PCDHA8: variants seen among roughly 807,000 people sequenced by gnomAD.
PCDHA8 encodes protocadherin alpha 8, also known as protocadherin alpha-8.
Under a neutral mutation model 61.8 loss-of-function variants are expected in PCDHA8, and 53 were observed. The ratio of observed to expected loss-of-function variants is 0.86; its 90% CI spans 0.69 to 1.08. The LOEUF (loss-of-function observed/expected upper bound fraction) is 1.08, where lower values mean the gene tolerates loss of function less well. Ranked by LOEUF, PCDHA8 falls within the 50% of genes least tolerant of loss-of-function variation. The pLI, the probability that PCDHA8 is intolerant of heterozygous loss-of-function variation, is 0.00. For missense variants in PCDHA8, 1,293 were observed against 1,245.0 expected, an observed-to-expected ratio of 1.04 and a Z score of -0.58; for synonymous variants, 618 against 556.6, an observed-to-expected ratio of 1.11 and a Z score of -1.55.
chr5:140,870,257 C>T (rs1554163963), intron 1 of PCDHA8: 1 of 1,614,172 alleles, frequency 6.2e-7, no homozygotes, highest in Non-Finnish European at 8.5e-7. Context: ...GGACAGGTGA[C>T]CTGCTCGCTG....
At chr5:140,875,336 G>C in intron 1 of PCDHA8, 1 of 1,438,564 alleles carries the variant, frequency 7.0e-7, no homozygotes, top group Non-Finnish European at 9.1e-7. Flanking sequence ...GAATAGGATC[G>C]ACTCCATAAT....
At position 140,850,250 on chromosome 5, in the gene PCDHA8, G is replaced by C; in HGVS notation, c.2394+6535G>C. Reference sequence around the variant, plus strand: ...TGAGCGAGATGGTGCTGCGGTCGGTGGGCGCCGGCGTAGTGGTGGGGAAGG... The same window carrying C: ...TGAGCGAGATGGTGCTGCGGTCGGTCGGCGCCGGCGTAGTGGTGGGGAAGG... On this transcript the variant is annotated intron_variant, in intron 1 of 3. Transcript: ENST00000531613. The C allele has an allele frequency of 1.9e-6, 3 of 1,594,024 alleles. 1 individual carries two copies. Among genetic ancestry groups the C allele is most frequent in the Non-Finnish European group, 2.6e-6 (3 of 1,167,182 alleles).
chr5:140,918,111 C>T (rs1035723043), intron 1 of PCDHA8, among the ~76,000 whole-genome samples: 1 of 152,016 alleles, frequency 6.6e-6, no homozygotes, highest in Non-Finnish European at 1.5e-5. Flanking sequence ...CTTTCACATC[C>T]TTGATTAGCC....
At chr5:140,966,741 G>A in intron 1 of PCDHA8, 1 of 1,421,320 alleles carries the variant, frequency 7.0e-7, no homozygotes, top group Non-Finnish European at 9.1e-7. Context: ...GGCCCTGCCC[G>A]GCTGCCTCCG....
At chr5:140,906,829 C>T (rs2072974984) in intron 1 of PCDHA8, among the ~76,000 whole-genome samples, 1 of 152,244 alleles carries the variant, frequency 6.6e-6, no homozygotes, top group Non-Finnish European at 1.5e-5. Context: ...GAGTAGTAGA[C>T]TGATTTCATC....
chr5:140,926,537 T>G, intron 1 of PCDHA8: 10 of 211,562 alleles, frequency 4.7e-5, no homozygotes, highest in Non-Finnish European at 7.4e-5. Flanking sequence ...GCAGCCAGCG[T>G]GGTGGTCGAG....
chr5:140,928,573 A>G (rs1353807568), intron 1 of PCDHA8: 2 of 1,614,110 alleles, frequency 1.2e-6, no homozygotes, highest in African/African-American at 1.3e-5. Context: ...TCCCTTGCCC[A>G]GAAATGGTTC....
chr5:140,875,655 G>C, intron 1 of PCDHA8: 1 of 1,613,724 alleles, frequency 6.2e-7, no homozygotes, highest in Middle Eastern at 1.7e-4. Context: ...AGCTGGTGCC[G>C]CGCCTGTTCC....
intron 1 of PCDHA8, chr5:140,875,266 A>G (rs1262893019): frequency 8.3e-7 from 1 of 1,202,212 alleles, no homozygotes. Flanking sequence ...ATGTCGCTCT[A>G]CACTCAGAAG....
chr5:141,001,229 A>G (rs1055246744), intron 3 of PCDHA8, among the ~76,000 whole-genome samples: 41 of 152,314 alleles, frequency 2.7e-4, no homozygotes, highest in African/African-American at 9.1e-4. Flanking sequence ...AGTTACATTT[A>G]ATCTATAAAT....
chr5:140,870,566 T>C (rs1554164425), intron 1 of PCDHA8: 7 of 1,613,980 alleles, frequency 4.3e-6, no homozygotes, highest in Admixed American at 3.3e-5. Flanking sequence ...GAGAACGCGC[T>C]GGTGTCCTAC....
At position 140,842,647 on chromosome 5, in the gene PCDHA8, T is replaced by C. The variant is rs1778166241; in HGVS notation, c.1326T>C (p.Ser442=). ...SPSLWATASL[S]VEVADVNDNA... ...CGCTGTGGGCCACCGCCAGCTTGTC[T>C]GTGGAGGTGGCCGACGTGAACGACA... Residue 442 remains serine, a synonymous_variant, in exon 1 of 4, where the codon TCT becomes TCC. Coordinates refer to ENST00000531613, the MANE Select transcript of PCDHA8 (RefSeq NM_018911.3). 1 of 1,595,148 alleles carries C rather than the reference T, an allele frequency of 6.3e-7. No individual in the cohort carries two copies. The highest frequency in any genetic ancestry group is 1.3e-5 in the African/African-American group (1 of 74,130).
At chr5:140,877,798 CT>C (rs782663782) in intron 1 of PCDHA8, 1 of 1,613,568 alleles carries the variant, frequency 6.2e-7, no homozygotes, top group Non-Finnish European at 8.5e-7. Context: ...CAGCCCAAGC[CT>C]TCAGCTGTCT....
chr5:140,865,392 A>G (rs1554159412), intron 1 of PCDHA8: 1 of 152,244 alleles, frequency 6.6e-6, no homozygotes, highest in Non-Finnish European at 1.5e-5. Context: ...TAAAGTTAAT[A>G]TAAATGCTGA....
intron 1 of PCDHA8, chr5:140,967,284 A>C: frequency 6.2e-7 from 1 of 1,613,190 alleles, no homozygotes. Context: ...GAGAGTGCGC[A>C]GGACCCCGAC....
chr5:140,885,819 A>G (rs1488283542), intron 1 of PCDHA8, among the ~76,000 whole-genome samples: 1 of 152,032 alleles, frequency 6.6e-6, no homozygotes, highest in Non-Finnish European at 1.5e-5. Flanking sequence ...TTTGTATTTG[A>G]TCTTCTTTGA....
At chr5:140,967,188 TCAACGA>T in intron 1 of PCDHA8, 1 of 1,613,420 alleles carries the variant, frequency 6.2e-7, no homozygotes, top group Non-Finnish European at 8.5e-7. Flanking sequence ...ATATTGGACA[TCAACGA>T]CAACTCACCG....
rs782072957 is a variant in PCDHA8, at chr5:140,870,352, G to T, written c.2394+26637G>T. On this transcript the variant is annotated intron_variant, in intron 1 of 3. Coordinates refer to ENST00000531613, the MANE Select transcript of PCDHA8 (RefSeq NM_018911.3). ...GGACAGCGCCCTGGACCGCGAGAAC[G>T]TGTGGGCCTATGAACTGGTGGTGAC... 9.9e-6 allele frequency: 16 copies of T among 1,614,226 alleles called. No individual in the cohort carries two copies. The South Asian group carries it at 1.3e-4, about 13-fold the overall frequency.
At chr5:140,943,613 C>G (rs1490811039) in intron 1 of PCDHA8, among the ~76,000 whole-genome samples, 1 of 152,026 alleles carries the variant, frequency 6.6e-6, no homozygotes, top group African/African-American at 2.4e-5. Context: ...GACTTTGATT[C>G]ATCTGCATAA....
Sources: gnomAD v4.1 joint callset for allele counts (sites outside exome capture counted in the v4.1 genomes callset) on GRCh38, gnomAD v4.1.1 for gene constraint, MANE v1.5 for transcripts, NCBI Gene and HGNC (gene_info 2026-07-23, HGNC 2026-07-21) for gene names.